NETO1: variants seen among roughly 807,000 people sequenced by gnomAD.
The protein encoded by NETO1 is neuropilin and tolloid like 1, also known as neuropilin and tolloid-like protein 1.
A neutral mutation model predicts 61.3 loss-of-function variants in NETO1; 26 were observed. The ratio of observed to expected loss-of-function variants is 0.42; its 90% confidence interval spans 0.31 to 0.59. The LOEUF (loss-of-function observed/expected upper bound fraction) is 0.59, where lower values mean the gene tolerates loss of function less well. Ranked by LOEUF, NETO1 falls within the 20% of genes least tolerant of loss-of-function variation. NETO1 has a pLI of 0.12. For synonymous variants in NETO1, 225 were observed against 225.8 expected (o/e 1.00, Z 0.03); for missense variants, 531 against 662.8 (o/e 0.80, Z 2.18).
intron 4 of NETO1, among the ~76,000 whole-genome samples, chr18:72,800,842 A>C (rs1599026112): frequency 6.6e-6 from 1 of 152,180 alleles, no homozygotes; most frequent in South Asian, 2.1e-4. Flanking sequence ...CTTTACCCCA[A>C]CTTGATTTTA....
chr18:72,841,789 G>A (rs962324655), intron 4 of NETO1, among the ~76,000 whole-genome samples: 8 of 144,788 alleles, frequency 5.5e-5, no homozygotes, highest in South Asian at 4.6e-4. Context: ...GAGCATGCCC[G>A]AAATGGAACA....
chr18:72,759,419 A>T (rs916503437), intron 7 of NETO1, among the ~76,000 whole-genome samples: 3 of 152,134 alleles, frequency 2.0e-5, no homozygotes, highest in Non-Finnish European at 4.4e-5. Context: ...ATGCTTTTTT[A>T]AAAATTAATG....
intron 7 of NETO1, among the ~76,000 whole-genome samples, chr18:72,776,284 G>A (rs2071544542): frequency 6.6e-6 from 1 of 152,116 alleles, no homozygotes; most frequent in South Asian, 2.1e-4. Flanking sequence ...TCAGTCTTTT[G>A]AGAGTGAGAA....
At chr18:72,810,278 A>C (rs2072823508) in intron 4 of NETO1, among the ~76,000 whole-genome samples, 1 of 152,186 alleles carries the variant, frequency 6.6e-6, no homozygotes, top group Non-Finnish European at 1.5e-5. Context: ...CGGGCATCTG[A>C]AACCAGTAAT....
intron 4 of NETO1, among the ~76,000 whole-genome samples, chr18:72,826,987 C>T (rs556950430): frequency 6.6e-6 from 1 of 152,258 alleles, no homozygotes; most frequent in Non-Finnish European, 1.5e-5. Context: ...GCTGCACTCC[C>T]ACCGCCTCCT....
Position 72,819,211 on chromosome 18 carries a change from A to G in NETO1, c.470-24807T>C, listed in dbSNP as rs191708281. 2.5e-4 allele frequency among the ~76,000 whole-genome samples: 38 copies of G among 152,138 alleles called. No homozygotes were observed. The East Asian group carries it at 7.4e-3, about 30-fold the overall frequency. On this transcript the variant is annotated intron_variant, in intron 4 of 10. Transcript: ENST00000327305. ...TCCACCTTAGTTTAGGTGGAAGCCC[A>G]CAGCCTCTGACTGTTTTGTGGCATC...
chr18:72,792,343 T>C (rs1162718810), intron 6 of NETO1, among the ~76,000 whole-genome samples: 4 of 151,854 alleles, frequency 2.6e-5, no homozygotes, highest in Non-Finnish European at 5.9e-5. Flanking sequence ...TCGCTTGAGG[T>C]GGGAGGTGGA....
Position 72,780,094 on chromosome 18 carries a change from A to G in NETO1, c.868+3584T>C, listed in dbSNP as rs562404149. Among the ~76,000 whole-genome samples the G allele has an allele frequency of 2.0e-5, 3 of 152,298 alleles. No homozygotes were observed. In the South Asian group the frequency reaches 6.2e-4, roughly 32 times the overall value. Reference sequence around the variant, plus strand: ...CCTCACCTTGGCAACTGGATTTTGAACACAGGAATTTTTGAAGGGGCGCCA... The same window carrying G: ...CCTCACCTTGGCAACTGGATTTTGAGCACAGGAATTTTTGAAGGGGCGCCA... On this transcript the variant is annotated intron_variant, in intron 7 of 10. Coordinates refer to ENST00000327305, the MANE Select transcript of NETO1 (RefSeq NM_138966.5).
At chr18:72,791,868 G>A (rs2072130404) in intron 6 of NETO1, among the ~76,000 whole-genome samples, 1 of 152,082 alleles carries the variant, frequency 6.6e-6, no homozygotes, top group Admixed American at 6.6e-5. Flanking sequence ...TTGTAATACA[G>A]GTAGTGGGTT....
chr18:72,760,868 T>C lies in NETO1; in HGVS notation c.869-4721A>G, dbSNP rs576713143. On this transcript the variant is annotated intron_variant, in intron 7 of 10. Coordinates refer to ENST00000327305, the MANE Select transcript of NETO1 (RefSeq NM_138966.5). ...GAGCAAATTCACTAACTTTTTCAGT[T>C]TCTGTTTATATCTATATAATGGGGA... Among the ~76,000 whole-genome samples the C allele has an allele frequency of 3.3e-5, 5 of 152,288 alleles. No homozygotes were observed. In the South Asian group the frequency reaches 8.3e-4, roughly 25 times the overall value.
intron 4 of NETO1, among the ~76,000 whole-genome samples, chr18:72,823,987 C>G (rs2073294098): frequency 1.3e-5 from 2 of 152,284 alleles, no homozygotes; most frequent in South Asian, 4.1e-4. Context: ...AAAGAAGTGA[C>G]TTGGCCTGAC....
At chr18:72,793,155 T>G (rs903933047) in intron 6 of NETO1, among the ~76,000 whole-genome samples, 1 of 152,170 alleles carries the variant, frequency 6.6e-6, no homozygotes, top group African/African-American at 2.4e-5. Flanking sequence ...TGCTTGCGAC[T>G]TTATAGAGTC....
intron 7 of NETO1, among the ~76,000 whole-genome samples, chr18:72,768,870 C>T (rs1222469523): frequency 6.6e-6 from 1 of 152,190 alleles, no homozygotes; most frequent in Non-Finnish European, 1.5e-5. Flanking sequence ...AATCCGCACT[C>T]CAGAAGTGTA....
intron 2 of NETO1, 97 bp downstream of exon 2, chr18:72,865,091 C>T: frequency 7.1e-7 from 1 of 1,409,584 alleles, no homozygotes; most frequent in South Asian, 1.3e-5. Context: ...CATATTATAA[C>T]AGGTTCAGAT....
intron 4 of NETO1, among the ~76,000 whole-genome samples, chr18:72,853,913 C>G (rs1418694164): frequency 6.7e-6 from 1 of 149,900 alleles, no homozygotes; most frequent in African/African-American, 2.4e-5. Context: ...CTCTGATTAT[C>G]TAGCTAAGAA....
chr18:72,855,784 G>A (rs2145617899), intron 4 of NETO1, among the ~76,000 whole-genome samples: 2 of 152,332 alleles, frequency 1.3e-5, no homozygotes, highest in East Asian at 3.9e-4. Context: ...TGGACACTGG[G>A]ACCCATGGCT....
chr18:72,773,101 G>A (rs1020818028), intron 7 of NETO1, among the ~76,000 whole-genome samples: 9 of 151,682 alleles, frequency 5.9e-5, no homozygotes, highest in African/African-American at 2.2e-4. Context: ...TAGGCTTTCT[G>A]CTATTACAAA....
At chr18:72,789,996 C>A (rs1033008354) in intron 6 of NETO1, among the ~76,000 whole-genome samples, 1 of 152,170 alleles carries the variant, frequency 6.6e-6, no homozygotes, top group African/African-American at 2.4e-5. Flanking sequence ...ATACTTTTAT[C>A]ACCACTTTAC....
At chr18:72,798,267 C>T (rs1045360170) in intron 4 of NETO1, among the ~76,000 whole-genome samples, 3 of 152,316 alleles carry the variant, frequency 2.0e-5, no homozygotes, top group African/African-American at 7.2e-5. Context: ...AGCTTCAACC[C>T]TATTGCGAAC....
Sources: gnomAD v4.1 joint callset for allele counts (sites outside exome capture counted in the v4.1 genomes callset) on GRCh38, gnomAD v4.1.1 for gene constraint, MANE v1.5 for transcripts, NCBI Gene and HGNC (gene_info 2026-07-23, HGNC 2026-07-21) for gene names.